ADGRL3: variants seen among roughly 807,000 people sequenced by gnomAD.
The protein encoded by ADGRL3 is adhesion G protein-coupled receptor L3, also known as calcium-independent alpha-latrotoxin receptor 3.
In ADGRL3, 62 loss-of-function variants were observed where a neutral mutation model predicts 153.5. The observed-to-expected ratio is 0.40, with a 90% CI of 0.33 to 0.50. The LOEUF (loss-of-function observed/expected upper bound fraction) is 0.50, where lower values mean the gene tolerates loss of function less well. Ranked by LOEUF, ADGRL3 falls within the 20% of genes least tolerant of loss-of-function variation. The probability of loss-of-function intolerance (pLI) is 0.47; values close to 1 mark genes in which losing one functional copy is unlikely to be tolerated. For synonymous variants in ADGRL3, 710 were observed against 672.5 expected (o/e 1.06, Z -0.86); for missense variants, 1,641 against 1,859.4 (o/e 0.88, Z 2.16).
intron 6 of ADGRL3, among the ~76,000 whole-genome samples, chr4:61,714,372 AC>A (rs1561110785): frequency 2.6e-5 from 4 of 151,712 alleles, no homozygotes; most frequent in Admixed American, 2.0e-4. Flanking sequence ...ACACACACAC[AC>A]AAACACACAC....
intron 1 of ADGRL3, among the ~76,000 whole-genome samples, chr4:61,290,683 G>C (rs2094142153): frequency 6.7e-6 from 1 of 148,706 alleles, no homozygotes; most frequent in South Asian, 2.1e-4. Context: ...AGGAAGGAAG[G>C]AAGGAGGGAA....
intron 1 of ADGRL3, among the ~76,000 whole-genome samples, chr4:61,257,685 A>G (rs551869467): frequency 1.3e-5 from 2 of 152,342 alleles, no homozygotes; most frequent in East Asian, 3.9e-4. Context: ...GGTAGATATG[A>G]TGAGTAACAG....
intron 8 of ADGRL3, chr4:61,775,805 T>TATTA: frequency 1.4e-6 from 1 of 728,376 alleles, no homozygotes; most frequent in Non-Finnish European, 2.5e-6. Flanking sequence ...TGTAAAGCAG[T>TATTA]ATTAACGTCC....
At chr4:61,864,367 A>G (rs990782385) in intron 9 of ADGRL3, among the ~76,000 whole-genome samples, 7 of 152,198 alleles carry the variant, frequency 4.6e-5, no homozygotes, top group Admixed American at 1.3e-4. Context: ...ATGAAGGCAA[A>G]CTAACTAGTT....
intron 13 of ADGRL3, among the ~76,000 whole-genome samples, chr4:61,925,292 TCTTA>T (rs2098789610): frequency 6.6e-6 from 1 of 152,208 alleles, no homozygotes; most frequent in South Asian, 2.1e-4. Context: ...TGTCAACTAT[TCTTA>T]CTTCATTTGC....
chr4:61,904,713 A>G (rs1275357717), intron 11 of ADGRL3, among the ~76,000 whole-genome samples: 1 of 152,146 alleles, frequency 6.6e-6, no homozygotes, highest in Non-Finnish European at 1.5e-5. Context: ...ATATGAAAAT[A>G]CCAGTACCAC....
intron 6 of ADGRL3, among the ~76,000 whole-genome samples, chr4:61,680,510 AAATT>A (rs1035284612): frequency 2.0e-5 from 3 of 151,692 alleles, no homozygotes; most frequent in African/African-American, 7.3e-5. Flanking sequence ...TAGAAAAACA[AAATT>A]TATAGGAAAA....
At chr4:61,971,270 T>C (rs1581690226) in intron 17 of ADGRL3, among the ~76,000 whole-genome samples, 2 of 152,118 alleles carry the variant, frequency 1.3e-5, no homozygotes, top group East Asian at 3.9e-4. Context: ...ACTCGTCATT[T>C]AGCATTAGGT....
intron 1 of ADGRL3, among the ~76,000 whole-genome samples, chr4:61,351,446 T>G (rs1379056958): frequency 1.3e-5 from 2 of 152,214 alleles, no homozygotes; most frequent in African/African-American, 4.8e-5. Context: ...AGATTTTCAA[T>G]GTGGACAACA....
chr4:61,891,799 A>G (rs988276433), intron 9 of ADGRL3, among the ~76,000 whole-genome samples: 4 of 152,172 alleles, frequency 2.6e-5, no homozygotes, highest in African/African-American at 9.6e-5. Flanking sequence ...CAGGAAGGAC[A>G]AGCATACTCT....
chr4:61,273,628 T>A (rs1277657613), intron 1 of ADGRL3, among the ~76,000 whole-genome samples: 1 of 152,040 alleles, frequency 6.6e-6, no homozygotes, highest in African/African-American at 2.4e-5. Context: ...TACAGTAAAA[T>A]TTTTTTTACA....
chr4:61,971,264 G>A lies in ADGRL3; in HGVS notation c.2806-8299G>A, dbSNP rs57257631. On this transcript the variant is annotated intron_variant, in intron 17 of 26. Coordinates refer to ENST00000683033, the MANE Select transcript of ADGRL3 (RefSeq NM_001387552.1). Reference sequence around the variant, plus strand: ...GCTGGTGTGCTGCACCCATTAACTCGTCATTTAGCATTAGGTATATCTCCT... The same window carrying A: ...GCTGGTGTGCTGCACCCATTAACTCATCATTTAGCATTAGGTATATCTCCT... 5.6e-3 allele frequency among the ~76,000 whole-genome samples: 851 copies of A among 151,530 alleles called. 4 individuals carry two copies. Among genetic ancestry groups the A allele is most frequent in the African/African-American group, 0.019 (780 of 41,314 alleles).
At chr4:61,912,621 T>TA in intron 12 of ADGRL3, 98 bp from the exon 13 acceptor site, 1 of 999,146 alleles carries the variant, frequency 1.0e-6, no homozygotes, top group Non-Finnish European at 1.5e-6. Flanking sequence ...CAAAATAAGG[T>TA]GTTTTGTGTA....
chr4:61,818,676 C>G (rs1308302250), intron 9 of ADGRL3, among the ~76,000 whole-genome samples: 1 of 152,140 alleles, frequency 6.6e-6, no homozygotes, highest in Non-Finnish European at 1.5e-5. Flanking sequence ...ACAGTCATTT[C>G]TGCTTGATAT....
intron 4 of ADGRL3, among the ~76,000 whole-genome samples, chr4:61,576,523 T>A (rs1279707768): frequency 3.3e-5 from 5 of 149,936 alleles, no homozygotes; most frequent in Non-Finnish European, 5.9e-5. Context: ...GGTTAATGCA[T>A]TCCTCATTTA....
intron 2 of ADGRL3, among the ~76,000 whole-genome samples, chr4:61,476,912 C>T (rs1351984756): frequency 6.6e-6 from 1 of 151,474 alleles, no homozygotes; most frequent in Non-Finnish European, 1.5e-5. Context: ...ATGCTATCCC[C>T]TCCTCCCTAT....
chr4:61,781,482 A>G (rs1173433636), intron 8 of ADGRL3, among the ~76,000 whole-genome samples: 1 of 152,180 alleles, frequency 6.6e-6, no homozygotes, highest in Non-Finnish European at 1.5e-5. Context: ...GTTTACTTCC[A>G]GAAATATTTG....
At chr4:61,862,177 G>A (rs915072264) in intron 9 of ADGRL3, among the ~76,000 whole-genome samples, 3 of 152,144 alleles carry the variant, frequency 2.0e-5, no homozygotes, top group Non-Finnish European at 2.9e-5. Flanking sequence ...ATGACTTAGG[G>A]GGTTACCATG....
intron 9 of ADGRL3, among the ~76,000 whole-genome samples, chr4:61,871,474 A>G (rs944369124): frequency 2.0e-5 from 3 of 152,168 alleles, no homozygotes; most frequent in African/African-American, 7.2e-5. Context: ...TATAACAAGG[A>G]TGAACCTTGA....
Sources: allele counts gnomAD v4.1 joint callset (sites outside exome capture counted in the v4.1 genomes callset), GRCh38; gene constraint gnomAD v4.1.1; transcripts MANE v1.5; gene names NCBI Gene and HGNC (gene_info 2026-07-23, HGNC 2026-07-21).